Variants in DPP6 observed in about 807,000 individuals in gnomAD.
DPP6 encodes A-type potassium channel modulatory protein DPP6.
DPP6 carries 69 observed loss-of-function variants against 122.6 expected under a neutral mutation model. The ratio of observed to expected loss-of-function variants is 0.56; its 90% CI spans 0.46 to 0.69. The LOEUF (loss-of-function observed/expected upper bound fraction) is 0.69. Among genes scored for constraint, DPP6 ranks in the 30% least tolerant of loss-of-function variants. The pLI is 0.00. For synonymous variants in DPP6, 418 were observed against 433.1 expected (o/e 0.97, Z 0.43); for missense variants, 928 against 1,116.9 (o/e 0.83, Z 2.41).
At chr7:154,330,322 G>A (rs557111141) in intron 1 of DPP6, among the ~76,000 whole-genome samples, 5 of 152,292 alleles carry the variant, frequency 3.3e-5, no homozygotes, top group African/African-American at 1.2e-4. Flanking sequence ...TCTGGTATTG[G>A]GTCGAGGGAG....
chr7:154,165,181 A>G (rs1289269879), intron 1 of DPP6, among the ~76,000 whole-genome samples: 5 of 102,470 alleles, frequency 4.9e-5, no homozygotes, highest in African/African-American at 1.7e-4. Context: ...AACAGTCCCC[A>G]GAGTGTGATG....
intron 1 of DPP6, chr7:153,887,766 C>G (rs1445490893): frequency 7.5e-6 from 12 of 1,607,666 alleles, no homozygotes; most frequent in Non-Finnish European, 1.0e-5. Context: ...CGCGCTGGGT[C>G]GGGGGGACCC....
intron 2 of DPP6, among the ~76,000 whole-genome samples, chr7:154,453,509 C>T (rs897821008): frequency 1.5e-4 from 23 of 149,986 alleles, no homozygotes; most frequent in African/African-American, 5.4e-4. Flanking sequence ...GAAGGATATA[C>T]ATATAGGATA....
chr7:154,883,128 TAC>T lies in DPP6; in HGVS notation c.2133+2194_2133+2195del, dbSNP rs749861690. Reference sequence around the variant, plus strand: ...GCTCTCACATACATGTGCTCACACATACACACACATGCTCACCCATACACATG... The same window carrying T: ...GCTCTCACATACATGTGCTCACACATACACACATGCTCACCCATACACATG... On this transcript the variant is annotated intron_variant, in intron 21 of 25. Transcript: ENST00000377770. 1.7e-4 allele frequency among the ~76,000 whole-genome samples: 21 copies of T among 127,210 alleles called. No individual in the cohort carries two copies. The South Asian group carries it at 2.8e-3, about 17-fold the overall frequency. The allele number at this position is 127,210 out of a possible 152,430, so 83.5% of individuals were successfully genotyped here.
At chr7:154,149,630 T>C (rs1796310280) in intron 1 of DPP6, among the ~76,000 whole-genome samples, 1 of 151,410 alleles carries the variant, frequency 6.6e-6, no homozygotes, top group Non-Finnish European at 1.5e-5. Flanking sequence ...TTGATCATGC[T>C]TCTGGCATTT....
chr7:154,181,624 G>T (rs540299532), intron 1 of DPP6, among the ~76,000 whole-genome samples: 2 of 152,232 alleles, frequency 1.3e-5, no homozygotes, highest in Admixed American at 1.3e-4. Flanking sequence ...AATATGTAAG[G>T]CAGCATAATA....
chr7:154,767,926 G>A (rs574054701), intron 8 of DPP6, among the ~76,000 whole-genome samples: 2 of 152,328 alleles, frequency 1.3e-5, no homozygotes, highest in East Asian at 1.9e-4. Context: ...GGCAAGATGA[G>A]GAAGACTCAC....
intron 1 of DPP6, among the ~76,000 whole-genome samples, chr7:154,265,090 G>GGTGATA (rs1585778844): frequency 4.9e-3 from 6 of 1,218 alleles, no homozygotes; most frequent in East Asian, 0.071. Flanking sequence ...TGATGGTGAT[G>GGTGATA]ATGATGGTGA....
chr7:154,398,017 C>T (rs894328917), intron 1 of DPP6, among the ~76,000 whole-genome samples: 2 of 152,100 alleles, frequency 1.3e-5, no homozygotes, highest in Non-Finnish European at 2.9e-5. Flanking sequence ...TTTACCCAAC[C>T]ACTGTGATGC....
At chr7:153,773,171 A>C in the DPP6 span, among the ~76,000 whole-genome samples, 6 of 148,778 alleles carry the variant, frequency 4.0e-5, no homozygotes, top group Non-Finnish European at 7.5e-5. Context: ...AGAACACACA[A>C]AACCAAAAAT....
intron 17 of DPP6, among the ~76,000 whole-genome samples, chr7:154,859,966 TGCAAGC>T (rs1426909481): frequency 6.6e-6 from 1 of 152,172 alleles, no homozygotes; most frequent in Non-Finnish European, 1.5e-5. Context: ...CACAGCGGCC[TGCAAGC>T]GCATGTGGGA....
intron 16 of DPP6, among the ~76,000 whole-genome samples, chr7:154,845,090 C>T (rs139493738): frequency 1.4e-4 from 22 of 152,296 alleles, no homozygotes; most frequent in African/African-American, 5.3e-4. Context: ...AATTTGCCAC[C>T]TTGATATGTC....
intron 8 of DPP6, among the ~76,000 whole-genome samples, chr7:154,740,239 C>T (rs1399850749): frequency 6.6e-6 from 1 of 151,730 alleles, no homozygotes; most frequent in Non-Finnish European, 1.5e-5. Context: ...TTTATAGCGC[C>T]CTAATGAAAC....
chr7:154,699,021 C>T (rs1418576027), intron 7 of DPP6, among the ~76,000 whole-genome samples: 2 of 152,140 alleles, frequency 1.3e-5, no homozygotes, highest in Non-Finnish European at 2.9e-5. Context: ...GTCACACCAC[C>T]CTGGAGAAGA....
chr7:154,303,827 C>T (rs1468044713), intron 1 of DPP6, among the ~76,000 whole-genome samples: 1 of 152,202 alleles, frequency 6.6e-6, no homozygotes, highest in Non-Finnish European at 1.5e-5. Context: ...AGGTGACCAG[C>T]CACTCTGCCG....
intron 4 of DPP6, among the ~76,000 whole-genome samples, chr7:154,558,192 T>G (rs1456437083): frequency 6.6e-6 from 1 of 151,938 alleles, no homozygotes; most frequent in African/African-American, 2.4e-5. Context: ...AGTAAGAACA[T>G]GTGGTGTTTG....
intron 1 of DPP6, among the ~76,000 whole-genome samples, chr7:154,208,538 G>A (rs938949166): frequency 4.6e-5 from 7 of 152,152 alleles, no homozygotes; most frequent in African/African-American, 1.4e-4. Flanking sequence ...TTAAGTAAGC[G>A]CTATGTACTT....
Position 154,279,969 on chromosome 7 carries a change from A to G in DPP6, c.244-166245A>G, listed in dbSNP as rs187090604. 4.2e-3 allele frequency among the ~76,000 whole-genome samples: 640 copies of G among 152,336 alleles called. 5 individuals carry two copies. Among genetic ancestry groups the G allele is most frequent in the African/African-American group, 0.015 (616 of 41,580 alleles). Reference sequence around the variant, plus strand: ...TTTTGAATTACAATGCTGATATCCTATTCAGGGCTTATTAGGATATAACTT... The same window carrying G: ...TTTTGAATTACAATGCTGATATCCTGTTCAGGGCTTATTAGGATATAACTT... On this transcript the variant is annotated intron_variant, in intron 1 of 25. Coordinates refer to ENST00000377770, the MANE Select transcript of DPP6 (RefSeq NM_130797.4).
chr7:153,782,384 A>C, the DPP6 span, among the ~76,000 whole-genome samples: 1 of 152,094 alleles, frequency 6.6e-6, no homozygotes, highest in Non-Finnish European at 1.5e-5. Context: ...CCATGAAGGA[A>C]GCGAACCGTG....
Sources: allele counts gnomAD v4.1 joint callset (sites outside exome capture counted in the v4.1 genomes callset), GRCh38; gene constraint gnomAD v4.1.1; transcripts MANE v1.5; gene names NCBI Gene and HGNC (gene_info 2026-07-23, HGNC 2026-07-21).